Variants in RYR1 observed in about 807,000 individuals in gnomAD.
RYR1 encodes central core disease of muscle.
A neutral mutation model predicts 583.5 loss-of-function variants in RYR1; 342 were observed. The observed-to-expected ratio is 0.59, with a 90% CI of 0.54 to 0.64. RYR1 has a LOEUF of 0.64. RYR1 is among the 30% of genes least tolerant of loss of function. The pLI, the probability that RYR1 is intolerant of heterozygous loss-of-function variation, is 0.00. For synonymous variants in RYR1, 2,791 were observed against 2,822.5 expected (o/e 0.99, Z 0.35); for missense variants, 6,032 against 6,917.2 (o/e 0.87, Z 4.54).
At chr19:38,440,616 TG>T (rs1464386280) in intron 1 of RYR1, 128 bp from the exon 2 acceptor site, 1 of 986,604 alleles carries the variant, frequency 1.0e-6, no homozygotes, top group African/African-American at 1.6e-5. Context: ...GTAGAGGGCT[TG>T]GGTGGGTTGA....
intron 92 of RYR1, 24 bp downstream of exon 92, chr19:38,567,011 GCCTA>G: frequency 6.4e-6 from 10 of 1,567,128 alleles, no homozygotes; most frequent in Non-Finnish European, 8.7e-6. Flanking sequence ...GGGCTGAGGG[GCCTA>G]GCCCCTATCA....
At chr19:38,548,444 C>T (rs375810762) in intron 89 of RYR1, 24 bp downstream of exon 89, 7 of 1,608,656 alleles carry the variant, frequency 4.4e-6, no homozygotes, top group Non-Finnish European at 5.1e-6. Context: ...ATCGTGTGGG[C>T]CCAGGACTTG....
At position 38,440,859 on chromosome 19, in the gene RYR1, G is replaced by C; in HGVS notation, c.160G>C (p.Ala54Pro). ...GTGCTTCCTGGAGCCCACTAGCAACGCGCAGGTCTGTGCAGGAGGGAGAGG... is the reference window on the plus strand; with the variant it reads ...GTGCTTCCTGGAGCCCACTAGCAACCCGCAGGTCTGTGCAGGAGGGAGAGG... The part of the protein sequence containing the change: ...RLCFLEPTSN[A>P]QNVPPDLAIC... The change falls in exon 2 of 106, where the codon GCG (alanine) becomes CCG (proline). Residue 54 changes from alanine (A) to proline (P), a missense_variant. By Grantham distance (27) the Ala-to-Pro change is conservative (BLOSUM62 -1). Transcript: ENST00000359596. 6.2e-7 allele frequency: 1 copy of C among 1,612,088 alleles called. No individual in the cohort carries two copies. The highest frequency in any genetic ancestry group is 1.1e-5 in the South Asian group (1 of 90,780).
At chr19:38,492,107 A>G (rs1422644241) in intron 37 of RYR1, among the ~76,000 whole-genome samples, 15 of 152,172 alleles carry the variant, frequency 9.9e-5, no homozygotes, top group South Asian at 2.1e-4. Context: ...CATGCCTGCA[A>G]TCCCGGCATT....
At chr19:38,448,911 T>C (rs896709240) in intron 11 of RYR1, 98 bp downstream of exon 11, 19 of 1,192,104 alleles carry the variant, frequency 1.6e-5, no homozygotes, top group Non-Finnish European at 2.0e-5. Flanking sequence ...GCCACTGTAC[T>C]CCAGCCTGGG....
chr19:38,571,873 C>A, intron 94 of RYR1, 146 bp from the exon 95 acceptor site: 1 of 1,180,998 alleles, frequency 8.5e-7, no homozygotes, highest in East Asian at 2.5e-5. Flanking sequence ...AGCTACAGCC[C>A]TAGGCCCAAC....
Position 38,444,704 on chromosome 19 carries a change from T to G in RYR1, c.631+27T>G. On this transcript the variant is annotated intron_variant, in intron 7 of 105. Transcript: ENST00000359596. The surrounding 1 kb of genome is among the most constrained non-coding windows in gnomAD (Gnocchi z 5.1). The stretch of plus-strand genomic sequence containing the variant: ...TGAGGGCCCCAGACCTCCCCCTAAA[T>G]GGAGATCCCCCCAAAACAGACCCTT... 1 of 1,523,060 alleles carries G rather than the reference T, an allele frequency of 6.6e-7. No homozygotes were observed. Among genetic ancestry groups the G allele is most frequent in the Non-Finnish European group, 8.9e-7 (1 of 1,122,834 alleles). 94.3% of individuals were successfully genotyped at this position (1,523,060 alleles called of 1,614,324 possible). A position where few individuals can be genotyped will look rare whatever the true frequency, so the allele number is the denominator to read the frequency against.
intron 1 of RYR1, among the ~76,000 whole-genome samples, chr19:38,439,139 C>T: frequency 6.6e-6 from 1 of 152,078 alleles, no homozygotes. Context: ...GAGCATAAGG[C>T]CTGGGAGCCA....
intron 31 of RYR1, among the ~76,000 whole-genome samples, chr19:38,479,063 C>G (rs888693180): frequency 1.3e-5 from 2 of 152,032 alleles, no homozygotes; most frequent in African/African-American, 4.8e-5. Context: ...CCACCACACC[C>G]AGCCAGAGTC....
At chr19:38,577,268 A>G (rs1363117365) in intron 97 of RYR1, among the ~76,000 whole-genome samples, 1 of 152,102 alleles carries the variant, frequency 6.6e-6, no homozygotes, top group East Asian at 1.9e-4. Context: ...CCAACCCTAC[A>G]GGGTTGTTGT....
In RYR1 at chr19:38,578,205, G is replaced by T. The variant is rs1974046221; in HGVS notation, c.14364+1G>T. 1 of 1,613,252 alleles carries T rather than the reference G, an allele frequency of 6.2e-7. No homozygotes were observed. The highest frequency in any genetic ancestry group is 1.7e-5 in the Admixed American group (1 of 59,888). ...GTTCGGGGTCATCTTCACAGACAACGTGAGCAGGGGCCCACAGACTGGGGA... is the reference window on the plus strand; with the variant it reads ...GTTCGGGGTCATCTTCACAGACAACTTGAGCAGGGGCCCACAGACTGGGGA... On this transcript the variant is annotated splice_donor_variant, in intron 99 of 105. Transcript: ENST00000359596. LOFTEE classifies it high-confidence loss of function.
At chr19:38,524,580 G>A (rs372968441) in intron 70 of RYR1, among the ~76,000 whole-genome samples, 2 of 152,232 alleles carry the variant, frequency 1.3e-5, no homozygotes, top group African/African-American at 4.8e-5. Flanking sequence ...AGGGCTTCTC[G>A]CTGGCGTGAC....
chr19:38,510,617 C>G, intron 59 of RYR1, 43 bp from the exon 60 acceptor site: 1 of 1,614,136 alleles, frequency 6.2e-7, no homozygotes, highest in South Asian at 1.1e-5. Flanking sequence ...TAGGCTCTCC[C>G]CACCCCTCAT....
intron 31 of RYR1, 73 bp downstream of exon 31, chr19:38,478,673 CCT>C: frequency 6.5e-7 from 1 of 1,537,058 alleles, no homozygotes; most frequent in South Asian, 1.1e-5. Context: ...ATAGATGTCC[CCT>C]GAGGCCAGAC....
chr19:38,517,611 A>C lies in RYR1; in HGVS notation c.9938A>C (p.Asn3313Thr). 1.2e-6 allele frequency: 2 copies of C among 1,613,844 alleles called. No homozygotes were observed. The highest frequency in any genetic ancestry group is 1.7e-6 in the Non-Finnish European group (2 of 1,179,974). Residue 3313 changes from asparagine (N) to threonine (T), a missense_variant, in exon 66 of 106, where the codon AAC becomes ACC. By Grantham distance (65) the Asn-to-Thr change is moderately conservative. Coordinates refer to ENST00000359596, the MANE Select transcript of RYR1 (RefSeq NM_000540.3). ...ACAGCTGTCACCTCTGACCACCTCA[A>C]CTCCCTGCTGGGGAATATCCTGAGA... ...PCTAVTSDHL[N>T]SLLGNILRII...
At position 38,543,563 on chromosome 19, in the gene RYR1, C is replaced by A; in HGVS notation, c.11810C>A (p.Ser3937Ter). ...ESISDFYWYYSGKDVIEEQGK... is the reference protein window; with the variant it reads ...ESISDFYWYY ...ATCAGCGACTTCTACTGGTACTACT[C>A]GGGCAAGGATGTCATTGAAGAGCAG... The change falls in exon 86 of 106, where the codon TCG becomes TAG. Residue 3937 changes from serine to a stop codon, truncating the protein, a stop_gained. Transcript: ENST00000359596. LOFTEE classifies it high-confidence loss of function. The surrounding 1 kb of genome is among the most constrained non-coding windows in gnomAD (Gnocchi z 4.4). 1 of 1,614,146 alleles carries A rather than the reference C, an allele frequency of 6.2e-7. No homozygotes were observed.
chr19:38,465,976 A>C, intron 23 of RYR1, 115 bp from the exon 24 acceptor site: 1 of 989,382 alleles, frequency 1.0e-6, no homozygotes, highest in South Asian at 1.4e-5. Context: ...ACATTATATC[A>C]AAGGTCAGAA....
chr19:38,442,506 C>T, intron 3 of RYR1, 53 bp downstream of exon 3: 1 of 1,405,226 alleles, frequency 7.1e-7, no homozygotes, highest in Non-Finnish European at 1.0e-6. Flanking sequence ...CGAGAGGACC[C>T]AGGGGTCGTT....
chr19:38,582,058 T>C (rs888033613), intron 101 of RYR1, among the ~76,000 whole-genome samples: 1 of 152,118 alleles, frequency 6.6e-6, no homozygotes, highest in Non-Finnish European at 1.5e-5. Flanking sequence ...TAATAGTAGT[T>C]GCTTTTAGGA....
Sources: gnomAD v4.1 joint callset for allele counts (sites outside exome capture counted in the v4.1 genomes callset) on GRCh38, gnomAD v4.1.1 for gene constraint, Gnocchi (gnomAD v3.1) non-coding constraint, MANE v1.5 for transcripts, NCBI Gene and HGNC (gene_info 2026-07-23, HGNC 2026-07-21) for gene names.